Variants in CDH13 observed in about 807,000 individuals in gnomAD.
The protein encoded by CDH13 is cadherin 13, also known as cadherin-13.
Under a neutral mutation model 63.8 loss-of-function variants are expected in CDH13, and 24 were observed. The observed-to-expected ratio is 0.38, with a 90% CI of 0.27 to 0.53. The LOEUF (loss-of-function observed/expected upper bound fraction) is 0.53. Among genes scored for constraint, CDH13 ranks in the 20% least tolerant of loss-of-function variants. The pLI, the probability that CDH13 is intolerant of heterozygous loss-of-function variation, is 0.85. For synonymous variants in CDH13, 503 were observed against 355.3 expected, an observed-to-expected ratio of 1.42 and a Z score of -4.67; for missense variants, 1,049 against 903.1, an observed-to-expected ratio of 1.16 and a Z score of -2.07.
intron 5 of CDH13, among the ~76,000 whole-genome samples, chr16:83,314,751 G>A (rs2151888945): frequency 6.6e-6 from 1 of 152,314 alleles, no homozygotes; most frequent in African/African-American, 2.4e-5. Flanking sequence ...TCATGCTGTA[G>A]TTTTCTCTTT....
At chr16:83,518,897 A>G (rs2074764075) in intron 7 of CDH13, among the ~76,000 whole-genome samples, 1 of 152,166 alleles carries the variant, frequency 6.6e-6, no homozygotes, top group Non-Finnish European at 1.5e-5. Flanking sequence ...CTCTGCATTC[A>G]TGCTGAACTG....
intron 7 of CDH13, among the ~76,000 whole-genome samples, chr16:83,531,243 C>T (rs1161538841): frequency 2.0e-5 from 3 of 152,216 alleles, no homozygotes; most frequent in Non-Finnish European, 4.4e-5. Context: ...CCTCTGGTCT[C>T]TGCCATCCTA....
At chr16:83,753,147 T>C (rs1388297447) in intron 11 of CDH13, among the ~76,000 whole-genome samples, 3 of 152,192 alleles carry the variant, frequency 2.0e-5, no homozygotes, top group Non-Finnish European at 4.4e-5. Context: ...TAAAAAGCCC[T>C]TATAAATCAG....
chr16:82,968,769 G>T (rs768002133), intron 2 of CDH13, among the ~76,000 whole-genome samples: 2 of 152,108 alleles, frequency 1.3e-5, no homozygotes, highest in African/African-American at 4.8e-5. Flanking sequence ...TTGACACTCC[G>T]TTCCCCTCAA....
chr16:83,118,044 C>T (rs1025428852), intron 3 of CDH13, among the ~76,000 whole-genome samples: 4 of 152,270 alleles, frequency 2.6e-5, no homozygotes, highest in Admixed American at 2.0e-4. Context: ...ATGCGTGAGG[C>T]TCCCTGAAGA....
chr16:83,161,970 A>G (rs73604289), intron 4 of CDH13, among the ~76,000 whole-genome samples: 27 of 152,190 alleles, frequency 1.8e-4, no homozygotes, highest in Admixed American at 1.4e-3. Context: ...ATCTTTTTCT[A>G]TCAGTGCCAA....
intron 5 of CDH13, among the ~76,000 whole-genome samples, chr16:83,334,361 T>TCTCTCTCTCACACA (rs1272779883): frequency 3.9e-4 from 33 of 85,614 alleles, no homozygotes; most frequent in South Asian, 1.5e-3. Context: ...TCTCTCTCTC[T>TCTCTCTCTCACACA]CACACACACA....
chr16:83,514,243 T>G (rs1027668961), intron 7 of CDH13, among the ~76,000 whole-genome samples: 1 of 152,230 alleles, frequency 6.6e-6, no homozygotes, highest in Non-Finnish European at 1.5e-5. Context: ...CCCAAATTCA[T>G]GTCTACCCAG....
At chr16:83,296,589 C>G (rs1365417827) in intron 5 of CDH13, among the ~76,000 whole-genome samples, 2 of 152,118 alleles carry the variant, frequency 1.3e-5, no homozygotes, top group Non-Finnish European at 1.5e-5. Context: ...TGCATGTACC[C>G]TTGTGGCTAT....
intron 6 of CDH13, among the ~76,000 whole-genome samples, chr16:83,367,075 A>G (rs2091271761): frequency 1.3e-5 from 2 of 152,206 alleles, no homozygotes; most frequent in South Asian, 2.1e-4. Context: ...ATTTTAGAAC[A>G]TTTAATGACT....
At chr16:82,660,724 G>A (rs1285817033) in intron 1 of CDH13, among the ~76,000 whole-genome samples, 1 of 152,148 alleles carries the variant, frequency 6.6e-6, no homozygotes, top group Non-Finnish European at 1.5e-5. Context: ...CAGAAAGGGA[G>A]CAAAGAAAAA....
At chr16:82,818,104 A>G (rs2037813134) in intron 1 of CDH13, among the ~76,000 whole-genome samples, 1 of 142,118 alleles carries the variant, frequency 7.0e-6, no homozygotes, top group South Asian at 2.3e-4. Context: ...ATTCACTCAT[A>G]CATGTATGGT....
intron 6 of CDH13, among the ~76,000 whole-genome samples, chr16:83,372,144 C>T (rs2091378778): frequency 1.3e-5 from 2 of 152,202 alleles, no homozygotes; most frequent in Non-Finnish European, 2.9e-5. Context: ...ACACCTCACT[C>T]ATTCCCAGTT....
At chr16:82,811,967 C>T (rs1374620269) in intron 1 of CDH13, among the ~76,000 whole-genome samples, 1 of 152,118 alleles carries the variant, frequency 6.6e-6, no homozygotes, top group African/African-American at 2.4e-5. Context: ...GATATTGGGA[C>T]ACATGCATTT....
At chr16:83,460,725 G>A (rs1309591450) in intron 6 of CDH13, among the ~76,000 whole-genome samples, 3 of 151,974 alleles carry the variant, frequency 2.0e-5, no homozygotes, top group Non-Finnish European at 4.4e-5. Flanking sequence ...TGAGTGCAGT[G>A]GCTTGCACCT....
At chr16:83,627,511 T>C (rs1910419873) in intron 8 of CDH13, among the ~76,000 whole-genome samples, 1 of 152,180 alleles carries the variant, frequency 6.6e-6, no homozygotes, top group Admixed American at 6.5e-5. Context: ...TCCACACCAT[T>C]GTCCTGCCTG....
intron 7 of CDH13, among the ~76,000 whole-genome samples, chr16:83,549,451 G>A (rs1433960262): frequency 2.6e-5 from 4 of 152,132 alleles, no homozygotes; most frequent in Non-Finnish European, 4.4e-5. Context: ...CGTGGTAGAG[G>A]GATGTGAGCC....
chr16:82,710,576 T>TATAA (rs1491551033), intron 1 of CDH13, among the ~76,000 whole-genome samples: 23 of 117,632 alleles, frequency 2.0e-4, no homozygotes, highest in African/African-American at 2.7e-4. Context: ...TATATATATA[T>TATAA]AAATATATTT....
chr16:82,974,558 G>A (rs1213976641), intron 2 of CDH13, among the ~76,000 whole-genome samples: 1 of 152,128 alleles, frequency 6.6e-6, no homozygotes, highest in South Asian at 2.1e-4. Context: ...ATGTGACCTT[G>A]GGTGGCAAAA....
Sources: allele counts gnomAD v4.1 joint callset (sites outside exome capture counted in the v4.1 genomes callset), GRCh38; gene constraint gnomAD v4.1.1; transcripts MANE v1.5; gene names NCBI Gene and HGNC (gene_info 2026-07-23, HGNC 2026-07-21).